MAMLD1: variants seen among roughly 807,000 people sequenced by gnomAD.
The protein encoded by MAMLD1 is mastermind like domain containing 1.
MAMLD1 carries 14 observed loss-of-function variants against 45.0 expected under a neutral mutation model. The ratio of observed to expected loss-of-function variants is 0.31; its 90% confidence interval spans 0.21 to 0.49. The LOEUF is 0.49. Among genes scored for constraint, MAMLD1 ranks in the 20% least tolerant of loss-of-function variants. MAMLD1 has a pLI of 0.99. For synonymous variants in MAMLD1, 254 were observed against 247.8 expected, an observed-to-expected ratio of 1.02 and a Z score of -0.24; for missense variants, 543 against 603.6, an observed-to-expected ratio of 0.90 and a Z score of 1.05.
intron 1 of MAMLD1, among the ~76,000 whole-genome samples, chrX:150,371,353 G>C (rs1292940538): frequency 9.0e-5 from 10 of 111,405 alleles, no homozygotes; most frequent in Non-Finnish European, 1.9e-4. Context: ...ATATCATCTT[G>C]TTGGAAGAGG....
intron 1 of MAMLD1, among the ~76,000 whole-genome samples, chrX:150,402,797 T>C (rs1181063866): frequency 1.8e-5 from 2 of 111,031 alleles, no homozygotes; most frequent in Non-Finnish European, 3.8e-5. Context: ...CTGGAAATCA[T>C]CATTCTCAGT....
At chrX:150,423,965 C>T (rs1402963516) in intron 1 of MAMLD1, among the ~76,000 whole-genome samples, 2 of 112,326 alleles carry the variant, frequency 1.8e-5, no homozygotes, top group African/African-American at 6.5e-5. Flanking sequence ...AACTTGGACT[C>T]ACATTACTTT....
rs781867707 is a variant in MAMLD1, at chrX:150,461,312, C to T, written c.97-1460C>T. On this transcript the variant is annotated intron_variant, in intron 2 of 7. Transcript: ENST00000370401. ...GCCCAGGGCAGCCTAGAGATATTTACATCATGATGATGGGATTAGACAGCC... is the reference window on the plus strand; with the variant it reads ...GCCCAGGGCAGCCTAGAGATATTTATATCATGATGATGGGATTAGACAGCC... Among the ~76,000 whole-genome samples, 21 of 112,754 alleles carry T rather than the reference C, an allele frequency of 1.9e-4. No individual in the cohort carries two copies. The Admixed American group carries it at 2.0e-3, about 10-fold the overall frequency.
At chrX:150,387,860 C>G (rs1376781705) in intron 1 of MAMLD1, among the ~76,000 whole-genome samples, 1 of 111,403 alleles carries the variant, frequency 9.0e-6, no homozygotes, top group Non-Finnish European at 1.9e-5. Flanking sequence ...GGTGAACCAG[C>G]CTTGCAATCC....
At chrX:150,385,449 T>C (rs1008750979) in intron 1 of MAMLD1, among the ~76,000 whole-genome samples, 4 of 111,969 alleles carry the variant, frequency 3.6e-5, no homozygotes, top group African/African-American at 1.3e-4. Flanking sequence ...ACCAATAACA[T>C]AAACAACACA....
intron 1 of MAMLD1, among the ~76,000 whole-genome samples, chrX:150,392,647 G>A (rs111745496): frequency 0.045 from 4,929 of 110,337 alleles, 276 homozygotes; most frequent in African/African-American, 0.15. Flanking sequence ...AACCACAGGA[G>A]AGGGATGGTT....
chrX:150,500,177 G>A (rs782250414), intron 5 of MAMLD1, among the ~76,000 whole-genome samples: 7 of 112,036 alleles, frequency 6.2e-5, no homozygotes, highest in Non-Finnish European at 1.3e-4. Context: ...CCTGGAAAGA[G>A]AGGCAGAATT....
chrX:150,408,138 C>T (rs954029468), intron 1 of MAMLD1, among the ~76,000 whole-genome samples: 11 of 110,876 alleles, frequency 9.9e-5, no homozygotes, highest in East Asian at 2.8e-4. Context: ...ATTTACAACA[C>T]GGCAGTCAGT....
Position 150,398,252 on chromosome X carries a change from GAGAAGAAGAAGAAGAAGAAGAAGA to G in MAMLD1, c.-64+34789_-64+34812del, listed in dbSNP as rs1221742768. Among the ~76,000 whole-genome samples, 359 of 40,680 alleles carry G rather than the reference GAGAAGAAGAAGAAGAAGAAGAAGA, an allele frequency of 8.8e-3. 3 individuals carry two copies. Among genetic ancestry groups the G allele is most frequent in the African/African-American group, 0.011 (119 of 10,874 alleles). The allele number at this position is 40,680 out of a possible 115,157, so 35.3% of individuals were successfully genotyped here. A position where few individuals can be genotyped will look rare whatever the true frequency, so the allele number is the denominator to read the frequency against. On this transcript the variant is annotated intron_variant, in intron 1 of 7. Coordinates refer to ENST00000370401, the MANE Select transcript of MAMLD1 (RefSeq NM_005491.5). ...GGAGAAGAAGGAGAAGGAGGAGAAG[GAGAAGAAGAAGAAGAAGAAGAAGA>G]AGAAGAAGAAGAAGAAGAAGAAGAA...
In MAMLD1 at chrX:150,512,872, A is replaced by G. The variant is rs1557409292; in HGVS notation, c.*913A>G. 15 of 1,153,068 alleles carry G rather than the reference A, an allele frequency of 1.3e-5. No homozygotes were observed. Among genetic ancestry groups the G allele is most frequent in the African/African-American group, 1.8e-5 (1 of 55,407 alleles). ...ACTTTTTGCGCCAGCCCCAACCCCC[A>G]CTAAATGATCTGATTTCGTCACCTG... On this transcript the variant is annotated 3_prime_UTR_variant, in exon 8 of 8. Transcript: ENST00000370401.
Position 150,480,206 on chromosome X carries a change from C to G in MAMLD1, c.2040+6404C>G, listed in dbSNP as rs782299320. On this transcript the variant is annotated intron_variant, in intron 5 of 7. Coordinates refer to ENST00000370401, the MANE Select transcript of MAMLD1 (RefSeq NM_005491.5). The stretch of plus-strand genomic sequence containing the variant: ...ACAAATCCCACGATCTGGGCCTGCC[C>G]TGTAAAACAACTATGTGGGGCCTGA... Among the ~76,000 whole-genome samples, 204 of 112,062 alleles carry G rather than the reference C, an allele frequency of 1.8e-3. 1 individual carries two copies. The highest frequency in any genetic ancestry group is 6.4e-3 in the African/African-American group (196 of 30,795).
At chrX:150,391,372 A>ATTGTT (rs1252029535) in intron 1 of MAMLD1, among the ~76,000 whole-genome samples, 15 of 107,511 alleles carry the variant, frequency 1.4e-4, no homozygotes, top group African/African-American at 5.1e-4. Flanking sequence ...TTTGTTTTGT[A>ATTGTT]TTGTTTTGTT....
chrX:150,424,762 A>C (rs895479024), intron 1 of MAMLD1, among the ~76,000 whole-genome samples: 42 of 112,538 alleles, frequency 3.7e-4, no homozygotes, highest in African/African-American at 1.3e-3. Context: ...CATTCAATTA[A>C]TCCATTGAAA....
At chrX:150,398,269 GA>G (rs1214151086) in intron 1 of MAMLD1, among the ~76,000 whole-genome samples, 1 of 41,850 alleles carries the variant, frequency 2.4e-5, no homozygotes, top group South Asian at 1.6e-3. Context: ...AGAAGAAGAA[GA>G]AGAAGAAGAA....
chrX:150,367,630 A>G (rs1603199618), intron 1 of MAMLD1, among the ~76,000 whole-genome samples: 1 of 111,791 alleles, frequency 8.9e-6, no homozygotes, highest in East Asian at 2.8e-4. Context: ...ACATATGTAT[A>G]CATGTGCCAT....
At chrX:150,386,123 T>A (rs1483160065) in intron 1 of MAMLD1, among the ~76,000 whole-genome samples, 1 of 109,997 alleles carries the variant, frequency 9.1e-6, no homozygotes, top group East Asian at 2.8e-4. Context: ...TTTTGCCATA[T>A]CCACAACCTC....
At chrX:150,387,641 G>A (rs190573549) in intron 1 of MAMLD1, among the ~76,000 whole-genome samples, 2 of 111,791 alleles carry the variant, frequency 1.8e-5, no homozygotes, top group Non-Finnish European at 3.8e-5. Context: ...ACCAAGGGAG[G>A]ATTGTAAAAT....
chrX:150,440,929 A>G (rs2035286058), intron 1 of MAMLD1, among the ~76,000 whole-genome samples: 1 of 103,480 alleles, frequency 9.7e-6, no homozygotes, highest in Admixed American at 1.1e-4. Flanking sequence ...TATTAAATAT[A>G]ATATTATTAT....
At chrX:150,394,608 G>T (rs2033343077) in intron 1 of MAMLD1, among the ~76,000 whole-genome samples, 1 of 111,285 alleles carries the variant, frequency 9.0e-6, no homozygotes, top group Non-Finnish European at 1.9e-5. Context: ...TTAGTTCTTT[G>T]ATTTTTTCAT....
Sources: allele counts gnomAD v4.1 joint callset (sites outside exome capture counted in the v4.1 genomes callset), GRCh38; gene constraint gnomAD v4.1.1; transcripts MANE v1.5; gene names NCBI Gene and HGNC (gene_info 2026-07-23, HGNC 2026-07-21).